IQCM: variants seen among roughly 807,000 people sequenced by gnomAD.
The protein encoded by IQCM is IQ domain-containing protein M.
IQCM carries 45 observed loss-of-function variants against 57.6 expected under a neutral mutation model. That is an observed-to-expected ratio of 0.78 (90% CI 0.62 to 1.00). The LOEUF is 1.00. Among genes scored for constraint, IQCM ranks in the 50% least tolerant of loss-of-function variants. The pLI, the probability that IQCM is intolerant of heterozygous loss-of-function variation, is 0.00. For missense variants in IQCM, 468 were observed against 511.6 expected (o/e 0.91, Z 0.82); for synonymous variants, 148 against 158.9 (o/e 0.93, Z 0.51).
chr4:149,491,376 A>T (rs1260874255), intron 12 of IQCM, among the ~76,000 whole-genome samples: 1 of 152,044 alleles, frequency 6.6e-6, no homozygotes, highest in East Asian at 1.9e-4. Flanking sequence ...AAAACTTTTG[A>T]ACTTATTATT....
chr4:149,664,342 G>C (rs1760497312), intron 7 of IQCM, among the ~76,000 whole-genome samples: 1 of 152,002 alleles, frequency 6.6e-6, no homozygotes, highest in Admixed American at 6.6e-5. Context: ...TTGTTGCATT[G>C]AGGGTGTCAT....
chr4:149,633,619 A>G (rs1757480395), intron 7 of IQCM, among the ~76,000 whole-genome samples: 1 of 152,246 alleles, frequency 6.6e-6, no homozygotes, highest in Admixed American at 6.5e-5. Context: ...TATTACTTGC[A>G]TAGAAATTTT....
chr4:149,518,937 A>C (rs180847142), intron 12 of IQCM, among the ~76,000 whole-genome samples: 173 of 152,336 alleles, frequency 1.1e-3, no homozygotes, highest in Non-Finnish European at 2.1e-3. Context: ...AAACAAAGAG[A>C]GAATATTAAG....
intron 12 of IQCM, among the ~76,000 whole-genome samples, chr4:149,485,310 T>C (rs1741352637): frequency 6.6e-6 from 1 of 152,080 alleles, no homozygotes. Context: ...TTCCTATCTC[T>C]TCCCCTACCT....
chr4:149,502,611 C>A (rs1743371704), intron 12 of IQCM, among the ~76,000 whole-genome samples: 1 of 152,082 alleles, frequency 6.6e-6, no homozygotes, highest in Admixed American at 6.5e-5. Context: ...GAGGTCGAGG[C>A]TGCAGTGAGC....
intron 8 of IQCM, among the ~76,000 whole-genome samples, chr4:149,591,505 G>C (rs1753167728): frequency 6.6e-6 from 1 of 151,700 alleles, no homozygotes; most frequent in African/African-American, 2.4e-5. Context: ...ACAACGTGCA[G>C]GTTTGTTACA....
chr4:149,464,760 T>C (rs567307251), intron 12 of IQCM, among the ~76,000 whole-genome samples: 31 of 152,276 alleles, frequency 2.0e-4, no homozygotes, highest in African/African-American at 7.2e-4. Flanking sequence ...TCTGTGCCAC[T>C]CAATTTGGTA....
Position 149,443,276 on chromosome 4 carries a change from A to T in IQCM, c.1229-9719T>A, listed in dbSNP as rs563083717. ...TCTAGAAAATATCTTTTGCAGCAAC[A>T]TCTAGATTAGTGTTTGATTGAATAA... On this transcript the variant is annotated intron_variant, in intron 12 of 13. Coordinates refer to ENST00000636793, the MANE Select transcript of IQCM (RefSeq NM_001363507.2). 3.9e-5 allele frequency among the ~76,000 whole-genome samples: 6 copies of T among 152,132 alleles called. No individual in the cohort carries two copies. The South Asian group carries it at 1.0e-3, about 26-fold the overall frequency.
chr4:149,508,730 G>A (rs1328693195), intron 12 of IQCM, among the ~76,000 whole-genome samples: 1 of 152,144 alleles, frequency 6.6e-6, no homozygotes, highest in Non-Finnish European at 1.5e-5. Flanking sequence ...AAGACTTTGG[G>A]GGATTGTTGG....
chr4:149,500,389 T>C (rs1743112962), intron 12 of IQCM, among the ~76,000 whole-genome samples: 1 of 152,148 alleles, frequency 6.6e-6, no homozygotes, highest in South Asian at 2.1e-4. Context: ...ATCTGTGAGA[T>C]GTAGTGAATT....
At chr4:149,374,967 T>TTGTGTGTG (rs145080282) in intron 13 of IQCM, among the ~76,000 whole-genome samples, 27 of 125,402 alleles carry the variant, frequency 2.2e-4, no homozygotes, top group African/African-American at 6.0e-4. Flanking sequence ...CACACTTTCT[T>TTGTGTGTG]TGTGTGTGTG....
At chr4:149,679,371 T>G (rs2150197921) in intron 7 of IQCM, among the ~76,000 whole-genome samples, 1 of 151,576 alleles carries the variant, frequency 6.6e-6, no homozygotes, top group East Asian at 1.9e-4. Flanking sequence ...TCAGAGGCCA[T>G]GAAGGGCAGG....
At chr4:149,602,679 C>T (rs1754421970) in intron 8 of IQCM, among the ~76,000 whole-genome samples, 1 of 151,766 alleles carries the variant, frequency 6.6e-6, no homozygotes, top group Non-Finnish European at 1.5e-5. Context: ...ATAAATTATT[C>T]ATGAAATAAT....
chr4:149,379,683 G>T (rs1307668806), intron 13 of IQCM, among the ~76,000 whole-genome samples: 1 of 152,190 alleles, frequency 6.6e-6, no homozygotes, highest in Non-Finnish European at 1.5e-5. Context: ...GAAGGGACTT[G>T]CTTTGTCTTA....
At chr4:149,619,376 C>T (rs1361694048) in intron 8 of IQCM, among the ~76,000 whole-genome samples, 1 of 151,942 alleles carries the variant, frequency 6.6e-6, no homozygotes, top group Non-Finnish European at 1.5e-5. Context: ...CTATTGTGTA[C>T]AATGTACATT....
In IQCM at chr4:149,810,622, G is replaced by C. The variant is rs537853594; in HGVS notation, c.-49+4689C>G. Among the ~76,000 whole-genome samples, 6 of 151,842 alleles carry C rather than the reference G, an allele frequency of 4.0e-5. No homozygotes were observed. The East Asian group carries it at 1.2e-3, about 30-fold the overall frequency. ...GTGCCACCACGCCCGGCTAAGTTTTGTATTTTTTTAGTAGAGACGGGGTTT... is the reference window on the plus strand; with the variant it reads ...GTGCCACCACGCCCGGCTAAGTTTTCTATTTTTTTAGTAGAGACGGGGTTT... On this transcript the variant is annotated intron_variant, in intron 2 of 13. Transcript: ENST00000636793.
intron 13 of IQCM, among the ~76,000 whole-genome samples, chr4:149,358,883 C>CATGATATACTCTCATGCGTATAT (rs1172987438): frequency 2.5e-5 from 2 of 81,624 alleles, no homozygotes; most frequent in African/African-American, 4.6e-5. Flanking sequence ...TATCATGAGA[C>CATGATATACTCTCATGCGTATAT]CACAGTGGAG....
intron 12 of IQCM, among the ~76,000 whole-genome samples, chr4:149,533,238 G>GAATTTTTA (rs1299930519): frequency 6.6e-6 from 1 of 151,742 alleles, no homozygotes; most frequent in Non-Finnish European, 1.5e-5. Context: ...AGGATTGAGA[G>GAATTTTTA]AATTTTTATA....
At chr4:149,492,046 T>G (rs1443661597) in intron 12 of IQCM, among the ~76,000 whole-genome samples, 1 of 152,118 alleles carries the variant, frequency 6.6e-6, no homozygotes, top group Non-Finnish European at 1.5e-5. Context: ...TGGTCATTTG[T>G]ATGTCTTCTT....
Sources: allele counts gnomAD v4.1 joint callset (sites outside exome capture counted in the v4.1 genomes callset), GRCh38; gene constraint gnomAD v4.1.1; transcripts MANE v1.5; gene names NCBI Gene and HGNC (gene_info 2026-07-23, HGNC 2026-07-21).